CLNK: variants seen among roughly 807,000 people sequenced by gnomAD.
CLNK encodes the protein cytokine dependent hematopoietic cell linker.
CLNK carries 74 observed loss-of-function variants against 68.6 expected under a neutral mutation model. That is an observed-to-expected ratio of 1.08 (90% CI 0.89 to 1.31). CLNK has a LOEUF of 1.31. Ranked by LOEUF, CLNK falls within the 50% of genes most tolerant of loss-of-function variation. The pLI, the probability that CLNK is intolerant of heterozygous loss-of-function variation, is 0.00. For missense variants in CLNK, 553 were observed against 515.3 expected, an observed-to-expected ratio of 1.07 and a Z score of -0.71; for synonymous variants, 198 against 172.2, an observed-to-expected ratio of 1.15 and a Z score of -1.17.
At chr4:10,648,911 G>A (rs1184620631) in intron 2 of CLNK, among the ~76,000 whole-genome samples, 1 of 152,094 alleles carries the variant, frequency 6.6e-6, no homozygotes, top group African/African-American at 2.4e-5. Context: ...CTCAAACCAG[G>A]GAGATCTGGT....
chr4:10,725,490 C>T, the CLNK span, among the ~76,000 whole-genome samples: 4 of 152,094 alleles, frequency 2.6e-5, no homozygotes, highest in African/African-American at 9.7e-5. Context: ...GGTTCCTCGG[C>T]CATCAGAAGT....
chr4:10,677,322 C>G (rs943858074), intron 1 of CLNK, among the ~76,000 whole-genome samples: 22 of 152,152 alleles, frequency 1.4e-4, no homozygotes, highest in African/African-American at 5.3e-4. Context: ...TATTAAGCAC[C>G]TGATGTATGC....
At chr4:10,512,526 T>C (rs1717636343) in intron 16 of CLNK, among the ~76,000 whole-genome samples, 1 of 152,082 alleles carries the variant, frequency 6.6e-6, no homozygotes, top group South Asian at 2.1e-4. Context: ...CCACCGTGCC[T>C]GGCCAGGATG....
intron 2 of CLNK, among the ~76,000 whole-genome samples, chr4:10,626,576 G>GA (rs927601546): frequency 1.3e-5 from 2 of 151,694 alleles, no homozygotes; most frequent in Admixed American, 6.6e-5. Context: ...AAAAGTACAA[G>GA]AAAAAAACAG....
In CLNK at chr4:10,568,183, T is replaced by C. The variant is rs1010403504; in HGVS notation, c.151-2033A>G. Among the ~76,000 whole-genome samples the C allele has an allele frequency of 4.6e-5, 7 of 152,320 alleles. 1 individual carries two copies. The South Asian group carries it at 1.5e-3, about 32-fold the overall frequency. ...AATAAAGTGTTGTATAGTCACACAA[T>C]GGAATATTATTCAGCAATGAAAACG... On this transcript the variant is annotated intron_variant, in intron 5 of 18. Transcript: ENST00000226951.
At chr4:10,710,683 G>A in the CLNK span, among the ~76,000 whole-genome samples, 2 of 152,182 alleles carry the variant, frequency 1.3e-5, no homozygotes, top group Admixed American at 1.3e-4. Flanking sequence ...CAAAGTCAGA[G>A]GCCTTGTTTC....
chr4:10,514,524 GT>G (rs1717745155), intron 15 of CLNK, among the ~76,000 whole-genome samples: 1 of 143,406 alleles, frequency 7.0e-6, no homozygotes, highest in Admixed American at 7.2e-5. Flanking sequence ...TTAATAAATG[GT>G]GCTGGGAAAA....
At chr4:10,668,570 C>G (rs1270397729) in intron 1 of CLNK, among the ~76,000 whole-genome samples, 1 of 152,080 alleles carries the variant, frequency 6.6e-6, no homozygotes, top group African/African-American at 2.4e-5. Context: ...TTGAGAACAG[C>G]TTAATAAAGA....
At chr4:10,545,381 C>T (rs989523820) in intron 8 of CLNK, among the ~76,000 whole-genome samples, 2 of 152,184 alleles carry the variant, frequency 1.3e-5, no homozygotes, top group African/African-American at 4.8e-5. Context: ...GAATTTGGGT[C>T]CTAAGGTTCC....
intron 1 of CLNK, among the ~76,000 whole-genome samples, chr4:10,669,023 C>T (rs1241101089): frequency 2.6e-5 from 4 of 152,136 alleles, no homozygotes; most frequent in South Asian, 2.1e-4. Flanking sequence ...ACACCCATCC[C>T]GCAATAAGAG....
chr4:10,587,984 G>T (rs1429838723), intron 3 of CLNK, among the ~76,000 whole-genome samples: 1 of 152,168 alleles, frequency 6.6e-6, no homozygotes, highest in Non-Finnish European at 1.5e-5. Context: ...ATCATTTATC[G>T]ACGGCCTGAG....
the CLNK span, among the ~76,000 whole-genome samples, chr4:10,704,357 C>G: frequency 6.6e-6 from 1 of 152,184 alleles, no homozygotes; most frequent in Non-Finnish European, 1.5e-5. Flanking sequence ...TAAAAATAAA[C>G]TCAGGATATA....
chr4:10,565,976 T>A, intron 6 of CLNK, 33 bp downstream of exon 6: 1 of 1,606,438 alleles, frequency 6.2e-7, no homozygotes, highest in South Asian at 1.1e-5. Flanking sequence ...TGTACATGCA[T>A]CTTCTTATTT....
At chr4:10,674,363 T>C (rs998487523) in intron 1 of CLNK, among the ~76,000 whole-genome samples, 2 of 152,178 alleles carry the variant, frequency 1.3e-5, no homozygotes, top group Non-Finnish European at 2.9e-5. Flanking sequence ...TAGACGCCAA[T>C]GCAAATCTAA....
At chr4:10,671,241 C>T (rs1724623283) in intron 1 of CLNK, among the ~76,000 whole-genome samples, 1 of 152,038 alleles carries the variant, frequency 6.6e-6, no homozygotes, top group African/African-American at 2.4e-5. Context: ...AAAAACTGAG[C>T]TGGGTATGGT....
At chr4:10,557,867 C>A (rs537595937) in intron 8 of CLNK, among the ~76,000 whole-genome samples, 22 of 152,126 alleles carry the variant, frequency 1.4e-4, no homozygotes, top group Non-Finnish European at 2.8e-4. Context: ...GATAGGGGCA[C>A]GGGGGAAAAT....
intron 2 of CLNK, among the ~76,000 whole-genome samples, chr4:10,666,146 A>G (rs2108892159): frequency 6.6e-6 from 1 of 152,296 alleles, no homozygotes; most frequent in East Asian, 1.9e-4. Context: ...ACCAGGAAGT[A>G]TTCTTCCCTT....
intron 1 of CLNK, among the ~76,000 whole-genome samples, chr4:10,683,846 C>A (rs1487157698): frequency 6.6e-6 from 1 of 152,090 alleles, no homozygotes; most frequent in Non-Finnish European, 1.5e-5. Flanking sequence ...GGAGCTGCGC[C>A]ACAGTATAGA....
At chr4:10,603,419 T>A (rs1490774582) in intron 2 of CLNK, among the ~76,000 whole-genome samples, 1 of 152,222 alleles carries the variant, frequency 6.6e-6, no homozygotes, top group African/African-American at 2.4e-5. Context: ...CTCTTAACAA[T>A]CCTATGAGAC....
Sources: gnomAD v4.1 joint callset for allele counts (sites outside exome capture counted in the v4.1 genomes callset) on GRCh38, gnomAD v4.1.1 for gene constraint, MANE v1.5 for transcripts, NCBI Gene and HGNC (gene_info 2026-07-23, HGNC 2026-07-21) for gene names.